The following UNC79 variants were observed in gnomAD, a reference collection of about 807,000 sequenced individuals.
UNC79 encodes protein unc-79 homolog.
UNC79 carries 37 observed loss-of-function variants against 283.1 expected under a neutral mutation model. The observed-to-expected ratio is 0.13, with a 90% CI of 0.10 to 0.17. UNC79 has a LOEUF of 0.17. UNC79 is among the 10% of genes least tolerant of loss of function. The probability of loss-of-function intolerance (pLI) is 1.00; values close to 1 mark genes in which losing one functional copy is unlikely to be tolerated. For missense variants in UNC79, 2,272 were observed against 3,211.1 expected (o/e 0.71, Z 7.07); for synonymous variants, 1,107 against 1,200.2 (o/e 0.92, Z 1.61).
At chr14:93,368,593 T>G (rs1025467434) in intron 1 of UNC79, among the ~76,000 whole-genome samples, 1 of 152,050 alleles carries the variant, frequency 6.6e-6, no homozygotes, top group African/African-American at 2.4e-5. Flanking sequence ...GCCTCAGCCT[T>G]CTGAGTAACT....
At chr14:93,545,461 A>G (rs1466486652) in intron 14 of UNC79, among the ~76,000 whole-genome samples, 1 of 152,196 alleles carries the variant, frequency 6.6e-6, no homozygotes. Context: ...ACCAGATTTC[A>G]TCTGTAATAC....
At chr14:93,336,290 A>G (rs2214) in intron 1 of UNC79, among the ~76,000 whole-genome samples, 2,985 of 152,358 alleles carry the variant, frequency 0.02, 51 homozygotes, top group South Asian at 0.076. Context: ...CAGAACAGTG[A>G]TAAGTACCTT....
At chr14:93,412,067 T>C (rs2055347186) in intron 1 of UNC79, among the ~76,000 whole-genome samples, 1 of 152,130 alleles carries the variant, frequency 6.6e-6, no homozygotes, top group Non-Finnish European at 1.5e-5. Flanking sequence ...AATTCAGAAT[T>C]TTGTCAGATA....
chr14:93,442,178 G>T (rs975423613), intron 1 of UNC79, among the ~76,000 whole-genome samples: 1 of 151,760 alleles, frequency 6.6e-6, no homozygotes, highest in African/African-American at 2.4e-5. Context: ...TCATTGTTGG[G>T]TCATGCTGAA....
intron 1 of UNC79, among the ~76,000 whole-genome samples, chr14:93,333,718 G>A (rs1390874443): frequency 6.6e-6 from 1 of 152,192 alleles, no homozygotes; most frequent in African/African-American, 2.4e-5. Flanking sequence ...CCTTGTTTGG[G>A]GGTTTGCAAT....
intron 1 of UNC79, among the ~76,000 whole-genome samples, chr14:93,455,912 T>TTGTGTGTGTGTG (rs10654684): frequency 1.4e-5 from 2 of 144,128 alleles, no homozygotes; most frequent in African/African-American, 5.1e-5. Context: ...GTACAATGGA[T>TTGTGTGTGTGTG]TGTGTGTGTG....
chr14:93,363,430 C>T (rs2054264816), intron 1 of UNC79, among the ~76,000 whole-genome samples: 1 of 152,150 alleles, frequency 6.6e-6, no homozygotes. Flanking sequence ...GGGAAGAATG[C>T]ATATACTGTT....
intron 19 of UNC79, among the ~76,000 whole-genome samples, chr14:93,581,479 T>G (rs924703403): frequency 1.4e-5 from 2 of 148,008 alleles, no homozygotes; most frequent in African/African-American, 5.0e-5. Context: ...GGCCAGTATT[T>G]GCATCTTTTT....
exon 2 of UNC79, chr14:93,467,671 T>C: frequency 9.1e-7 from 1 of 1,097,320 alleles, no homozygotes; most frequent in Non-Finnish European, 1.2e-6. Context: ...TTTTATCTAG[T>C]TGCTTCCAAG....
chr14:93,386,453 T>G (rs570017759), intron 1 of UNC79, among the ~76,000 whole-genome samples: 1 of 152,344 alleles, frequency 6.6e-6, no homozygotes, highest in East Asian at 1.9e-4. Context: ...TGTCTTTGTC[T>G]GGTTTTGATG....
chr14:93,528,664 T>A lies in UNC79; in HGVS notation c.1052+18T>A. The A allele has an allele frequency of 6.2e-7, 1 of 1,607,248 alleles. No individual in the cohort carries two copies. The highest frequency in any genetic ancestry group is 8.5e-7 in the Non-Finnish European group (1 of 1,174,794). On this transcript the variant is annotated intron_variant, in intron 9 of 48. Coordinates refer to ENST00000555664, the Ensembl canonical transcript of UNC79. ...ATTGCAGGGTAGGTATAAGAGTTCT[T>A]AAAGAAAAGGAAATAGGACAACAAT... is the stretch of plus-strand genomic sequence containing the variant.
intron 42 of UNC79, among the ~76,000 whole-genome samples, chr14:93,683,620 T>A (rs1351966399): frequency 2.6e-5 from 4 of 152,116 alleles, no homozygotes; most frequent in Non-Finnish European, 4.4e-5. Context: ...AAAAAAATAA[T>A]GTCCCTAATA....
intron 1 of UNC79, among the ~76,000 whole-genome samples, chr14:93,402,599 A>T (rs188286751): frequency 4.1e-4 from 63 of 152,304 alleles, no homozygotes; most frequent in Middle Eastern, 3.4e-3. Context: ...GTGAATTGAG[A>T]GCTAGTTCTG....
chr14:93,593,618 A>G, intron 22 of UNC79, 62 bp from the exon 23 acceptor site: 1 of 1,552,032 alleles, frequency 6.4e-7, no homozygotes, highest in South Asian at 1.3e-5. Context: ...TTAAGAGGAC[A>G]GGATCTTTTT....
intron 5 of UNC79, among the ~76,000 whole-genome samples, chr14:93,493,673 G>C (rs2058846329): frequency 6.6e-6 from 1 of 151,804 alleles, no homozygotes; most frequent in African/African-American, 2.4e-5. Context: ...TTGTTGCACT[G>C]CTATAAAGAA....
At chr14:93,664,784 G>A (rs2071990414) in intron 40 of UNC79, among the ~76,000 whole-genome samples, 1 of 152,090 alleles carries the variant, frequency 6.6e-6, no homozygotes, top group Admixed American at 6.6e-5. Context: ...AATAACATTA[G>A]TGCTTAGTAA....
intron 1 of UNC79, among the ~76,000 whole-genome samples, chr14:93,402,589 G>A (rs2055133724): frequency 2.0e-5 from 3 of 152,138 alleles, no homozygotes; most frequent in Admixed American, 2.0e-4. Context: ...AAGACAATCA[G>A]TGAATTGAGA....
chr14:93,549,783 G>C (rs967190645), intron 14 of UNC79, among the ~76,000 whole-genome samples: 7 of 152,216 alleles, frequency 4.6e-5, no homozygotes, highest in Non-Finnish European at 8.8e-5. Flanking sequence ...ACAGTTGGCT[G>C]CCTTTGATTG....
At chr14:93,684,820 G>A (rs574589239) in intron 42 of UNC79, among the ~76,000 whole-genome samples, 6 of 152,268 alleles carry the variant, frequency 3.9e-5, no homozygotes, top group Admixed American at 3.3e-4. Context: ...TTTTGAGGAA[G>A]AATTAGCTAT....
Sources: allele counts gnomAD v4.1 joint callset (sites outside exome capture counted in the v4.1 genomes callset), GRCh38; gene constraint gnomAD v4.1.1; transcripts MANE v1.5; gene names NCBI Gene and HGNC (gene_info 2026-07-23, HGNC 2026-07-21).